The following TRIM33 variants were observed in gnomAD, a reference collection of about 807,000 sequenced individuals.
TRIM33 encodes the protein E3 ubiquitin-protein ligase TRIM33.
TRIM33 carries 20 observed loss-of-function variants against 125.4 expected under a neutral mutation model. The observed-to-expected ratio is 0.16, with a 90% CI of 0.11 to 0.23. The LOEUF is 0.23. Among genes scored for constraint, TRIM33 ranks in the 10% least tolerant of loss-of-function variants. TRIM33 has a pLI of 1.00. For synonymous variants in TRIM33, 564 were observed against 513.9 expected (o/e 1.10, Z -1.32); for missense variants, 920 against 1,411.4 (o/e 0.65, Z 5.58).
chr1:114,427,556 T>C lies in TRIM33; in HGVS notation c.1302+192A>G, dbSNP rs138247262. On this transcript the variant is annotated intron_variant, in intron 7 of 19. Transcript: ENST00000358465. ...TCCACTTATATGAAATTCTAAAAAATGACAGAAATCAGATTAGTGGCTGCC... is the reference window on the plus strand; with the variant it reads ...TCCACTTATATGAAATTCTAAAAAACGACAGAAATCAGATTAGTGGCTGCC... 2.9e-3 allele frequency among the ~76,000 whole-genome samples: 446 copies of C among 152,218 alleles called. 2 individuals are homozygous for C. The highest frequency in any genetic ancestry group is 9.2e-3 in the African/African-American group (383 of 41,548).
At chr1:114,470,132 T>C (rs1290367828) in intron 1 of TRIM33, among the ~76,000 whole-genome samples, 1 of 152,304 alleles carries the variant, frequency 6.6e-6, no homozygotes, top group East Asian at 1.9e-4. Flanking sequence ...ATAAAGCTTG[T>C]TGGTATTCTT....
rs1653304217 is a variant in TRIM33 at position 114,510,818 on chromosome 1, T to G, written c.259A>C (p.Thr87Pro). The G allele has an allele frequency of 6.6e-6, 10 of 1,519,956 alleles. No homozygotes were observed. The highest frequency in any genetic ancestry group is 8.8e-6 in the Non-Finnish European group (10 of 1,140,752). 94.2% of individuals were successfully genotyped at this position (1,519,956 alleles called of 1,614,324 possible). The part of the protein sequence containing the change: ...AASSPAASVG[T>P]GVAGGAVSTP... ...GATACTGCGCCCCCGGCAACTCCAG[T>G]GCCCACTGAGGCCGCAGGAGATGAA... Residue 87 changes from threonine (T) to proline (P), a missense_variant, in exon 1 of 20, where the codon ACT becomes CCT. Transcript: ENST00000358465.
In TRIM33 at chr1:114,470,015, C is replaced by T. The variant is rs181546502; in HGVS notation, c.527-5627G>A. Among the ~76,000 whole-genome samples, 54 of 152,218 alleles carry T rather than the reference C, an allele frequency of 3.5e-4. No homozygotes were observed. In the East Asian group the frequency reaches 6.9e-3, roughly 20 times the overall value. Reference sequence around the variant, plus strand: ...TTTTATCACTTAAGAATGAAGCTGGCTTAAGGTGAAGTCATAGTCATATAT... The same window carrying T: ...TTTTATCACTTAAGAATGAAGCTGGTTTAAGGTGAAGTCATAGTCATATAT... On this transcript the variant is annotated intron_variant, in intron 1 of 19. Coordinates refer to ENST00000358465, the MANE Select transcript of TRIM33 (RefSeq NM_015906.4).
chr1:114,412,625 G>A lies in TRIM33; in HGVS notation c.2062-2309C>T, dbSNP rs1038360497. Among the ~76,000 whole-genome samples the A allele has an allele frequency of 2.0e-5, 3 of 151,766 alleles. No homozygotes were observed. In the East Asian group the frequency reaches 5.8e-4, roughly 29 times the overall value. ...ATATAATTTGAATTATATACTGTAC[G>A]CTTTTTTCATCTATTTTTTTCACTT... On this transcript the variant is annotated intron_variant, in intron 11 of 19. Transcript: ENST00000358465.
At chr1:114,495,718 G>A (rs1193883281) in intron 1 of TRIM33, among the ~76,000 whole-genome samples, 7 of 152,100 alleles carry the variant, frequency 4.6e-5, no homozygotes, top group Non-Finnish European at 1.0e-4. Flanking sequence ...GATGTCAAGA[G>A]CAGCCTAGAT....
At chr1:114,436,693 G>A (rs1484532186) in intron 4 of TRIM33, among the ~76,000 whole-genome samples, 1 of 152,040 alleles carries the variant, frequency 6.6e-6, no homozygotes, top group Admixed American at 6.5e-5. Context: ...TCAAACTCCT[G>A]ACCTCAGATG....
chr1:114,465,948 T>TA (rs1650271468), intron 1 of TRIM33, among the ~76,000 whole-genome samples: 1 of 151,046 alleles, frequency 6.6e-6, no homozygotes, highest in East Asian at 2.0e-4. Context: ...GAGGGCGAGA[T>TA]AGGAGAATCG....
chr1:114,455,078 G>C (rs184065761), intron 4 of TRIM33, among the ~76,000 whole-genome samples: 5 of 152,284 alleles, frequency 3.3e-5, no homozygotes, highest in African/African-American at 1.2e-4. Context: ...GAATGGAAGA[G>C]TGTGTCTAGG....
At chr1:114,485,861 C>A (rs984731217) in intron 1 of TRIM33, among the ~76,000 whole-genome samples, 2 of 152,152 alleles carry the variant, frequency 1.3e-5, no homozygotes, top group Non-Finnish European at 2.9e-5. Flanking sequence ...ATTTGTCAAA[C>A]ACCAGGAAAA....
intron 1 of TRIM33, among the ~76,000 whole-genome samples, chr1:114,482,550 A>G (rs538868597): frequency 6.6e-6 from 1 of 152,342 alleles, no homozygotes; most frequent in East Asian, 1.9e-4. Flanking sequence ...CAAAACCAAA[A>G]ATGAAATATA....
intron 5 of TRIM33, among the ~76,000 whole-genome samples, chr1:114,432,657 G>T (rs1014375188): frequency 4.6e-5 from 7 of 151,910 alleles, no homozygotes; most frequent in African/African-American, 1.7e-4. Context: ...ATGGTGGTGG[G>T]CGCCTGTAGC....
chr1:114,460,889 A>T (rs1010351614), intron 4 of TRIM33, among the ~76,000 whole-genome samples: 2 of 152,146 alleles, frequency 1.3e-5, no homozygotes, highest in African/African-American at 4.8e-5. Context: ...ACCAATTAAG[A>T]TCTTTAAATT....
In TRIM33 at chr1:114,494,913, T is replaced by A. The variant is rs142035102; in HGVS notation, c.526+15638A>T. 1.3e-3 allele frequency among the ~76,000 whole-genome samples: 204 copies of A among 152,088 alleles called. 1 individual carries two copies. The highest frequency in any genetic ancestry group is 2.2e-3 in the Non-Finnish European group (150 of 67,970). On this transcript the variant is annotated intron_variant, in intron 1 of 19. Coordinates refer to ENST00000358465, the MANE Select transcript of TRIM33 (RefSeq NM_015906.4). Reference sequence around the variant, plus strand: ...TATTATTTGGCCAGAATAGAGTAGTTGTTGTTGTTGTTGTTATTGTTAGGC... The same window carrying A: ...TATTATTTGGCCAGAATAGAGTAGTAGTTGTTGTTGTTGTTATTGTTAGGC...
In TRIM33 at chr1:114,405,468, T is replaced by C; in HGVS notation, c.2710A>G (p.Lys904Glu). The C allele has an allele frequency of 6.2e-7, 1 of 1,614,208 alleles. No homozygotes were observed. Among genetic ancestry groups the C allele is most frequent in the Non-Finnish European group, 8.5e-7 (1 of 1,180,034 alleles). ...GTTAGATGAAAGACCTTTGGACATT[T>C]TTCGCAGCACAAGAGATCTCCTCCG... Reference protein sequence around the residue: ...QNGGDLLCCEKCPKVFHLTCH... With the variant: ...QNGGDLLCCEECPKVFHLTCH... Residue 904 changes from lysine to glutamate, a missense_variant, in exon 15 of 20, where the codon AAA (lysine) becomes GAA (glutamate). By Grantham distance (56) the Lys-to-Glu change is moderately conservative. This residue lies in a region of TRIM33 where 9 missense variants were observed against 56.2 expected (regional missense o/e 0.16). Transcript: ENST00000358465.
chr1:114,400,362 C>T (rs970127907), intron 17 of TRIM33, among the ~76,000 whole-genome samples: 1 of 152,112 alleles, frequency 6.6e-6, no homozygotes, highest in African/African-American at 2.4e-5. Flanking sequence ...CACTACCACG[C>T]CCGGCTAATT....
chr1:114,499,004 CA>C (rs1182610512), intron 1 of TRIM33, among the ~76,000 whole-genome samples: 1 of 151,974 alleles, frequency 6.6e-6, no homozygotes, highest in Non-Finnish European at 1.5e-5. Flanking sequence ...AAAAAGATCT[CA>C]AGAAGAGGTA....
rs1650093543 is a variant in TRIM33 at position 114,463,208 on chromosome 1, A to T, written c.819T>A (p.Pro273=). The T allele has an allele frequency of 6.2e-7, 1 of 1,611,716 alleles. No homozygotes were observed. Among genetic ancestry groups the T allele is most frequent in the Admixed American group, 1.7e-5 (1 of 59,474 alleles). ...SESVGASGQR[P]VFCPVHKQEQ... Reference sequence around the variant, plus strand: ...CTTGTTTGTGTACAGGGCAGAAAACAGGGCGTTGACCAGATGCTCCAACAG... The same window carrying T: ...CTTGTTTGTGTACAGGGCAGAAAACTGGGCGTTGACCAGATGCTCCAACAG... Residue 273 remains proline (P), a synonymous_variant, in exon 4 of 20, where the codon CCT becomes CCA. Transcript: ENST00000358465.
intron 4 of TRIM33, among the ~76,000 whole-genome samples, chr1:114,444,495 C>A (rs1350363592): frequency 6.6e-6 from 1 of 152,128 alleles, no homozygotes; most frequent in Non-Finnish European, 1.5e-5. Flanking sequence ...AAGGACTATA[C>A]CCTGGAGTAA....
At position 114,423,704 on chromosome 1, in the gene TRIM33, A is replaced by C. The variant is rs531369425; in HGVS notation, c.1860+887T>G. Among the ~76,000 whole-genome samples the C allele has an allele frequency of 1.1e-4, 17 of 152,174 alleles. No individual in the cohort carries two copies. In the South Asian group the frequency reaches 3.5e-3, roughly 32 times the overall value. On this transcript the variant is annotated intron_variant, in intron 10 of 19. Transcript: ENST00000358465. Reference sequence around the variant, plus strand: ...CGTGAGCCACCACTCCCAGCCAAGAAGCGCATTATTTTAAAAAGCTCTTTC... The same window carrying C: ...CGTGAGCCACCACTCCCAGCCAAGACGCGCATTATTTTAAAAAGCTCTTTC...
Sources: allele counts gnomAD v4.1 joint callset (sites outside exome capture counted in the v4.1 genomes callset), GRCh38; gene constraint gnomAD v4.1.1; regional missense constraint gnomAD v4.1.1; transcripts MANE v1.5; gene names NCBI Gene and HGNC (gene_info 2026-07-23, HGNC 2026-07-21).